Variants in SLCO3A1 observed in about 807,000 individuals in gnomAD.
The protein encoded by SLCO3A1 is PGE1 transporter.
In SLCO3A1, 27 loss-of-function variants were observed where a neutral mutation model predicts 63.1. The ratio of observed to expected loss-of-function variants is 0.43; its 90% CI spans 0.32 to 0.59. The LOEUF (loss-of-function observed/expected upper bound fraction) is 0.59. SLCO3A1 is among the 20% of genes least tolerant of loss of function. SLCO3A1 has a pLI of 0.09. For synonymous variants in SLCO3A1, 473 were observed against 409.9 expected (o/e 1.15, Z -1.86); for missense variants, 773 against 945.8 (o/e 0.82, Z 2.40).
At chr15:92,154,583 G>C (rs1163647003) in intron 9 of SLCO3A1, among the ~76,000 whole-genome samples, 1 of 152,212 alleles carries the variant, frequency 6.6e-6, no homozygotes, top group Non-Finnish European at 1.5e-5. Context: ...AGGGGAACAG[G>C]AAGACCCTCT....
intron 1 of SLCO3A1, among the ~76,000 whole-genome samples, chr15:91,892,047 A>C (rs1210969060): frequency 1.3e-5 from 2 of 152,242 alleles, no homozygotes; most frequent in Non-Finnish European, 2.9e-5. Flanking sequence ...ACAATGTTCC[A>C]GTATGACATT....
In SLCO3A1 at chr15:92,162,973, A is replaced by G. The variant is rs1234765927; in HGVS notation, c.1971A>G (p.Lys657=). 6.2e-7 allele frequency: 1 copy of G among 1,614,086 alleles called. No individual in the cohort carries two copies. The highest frequency in any genetic ancestry group is 8.5e-7 in the Non-Finnish European group (1 of 1,180,010). The change falls in exon 10 of 10, where the codon AAA becomes AAG. Residue 657 remains lysine (K), a synonymous_variant. Coordinates refer to ENST00000318445, the MANE Select transcript of SLCO3A1 (RefSeq NM_013272.4). The part of the protein sequence containing the change: ...CLRKNYKRYI[K]NHEGGLSTSE... ...GGAAAAACTATAAACGCTACATCAA[A>G]AACCACGAGGGCGGGCTGAGCACCA...
chr15:91,868,354 C>CTTT (rs72068160), intron 1 of SLCO3A1, among the ~76,000 whole-genome samples: 126 of 104,876 alleles, frequency 1.2e-3, no homozygotes, highest in African/African-American at 4.0e-3. Flanking sequence ...ACCCAGCCGG[C>CTTT]TTTTTTTTTT....
intron 2 of SLCO3A1, among the ~76,000 whole-genome samples, chr15:91,958,687 G>T (rs1900327619): frequency 6.6e-6 from 1 of 152,128 alleles, no homozygotes; most frequent in South Asian, 2.1e-4. Flanking sequence ...TATAAAATTT[G>T]CCCCAGTGAA....
Position 91,941,398 on chromosome 15 carries a change from C to T in SLCO3A1, c.646+24940C>T, listed in dbSNP as rs2151400249. The T allele has an allele frequency of 2.6e-6, 1 of 388,714 alleles. No individual in the cohort carries two copies. Among genetic ancestry groups the T allele is most frequent in the South Asian group, 1.9e-5 (1 of 51,826 alleles). 24.1% of individuals were successfully genotyped at this position (388,714 alleles called of 1,614,324 possible). A position where few individuals can be genotyped will look rare whatever the true frequency, so the allele number is the denominator to read the frequency against. On this transcript the variant is annotated intron_variant, in intron 2 of 9. Transcript: ENST00000318445. This position sits in a 1 kb window ranked among gnomAD's most constrained non-coding sequence, Gnocchi z 4.4. ...GGAGGCTGTGGGGTCTGCCACCCAGCAGATCTGTGTCACGGGAGTGGCGCT... is the reference window on the plus strand; with the variant it reads ...GGAGGCTGTGGGGTCTGCCACCCAGTAGATCTGTGTCACGGGAGTGGCGCT...
intron 2 of SLCO3A1, among the ~76,000 whole-genome samples, chr15:92,046,287 G>C (rs2046862141): frequency 6.6e-6 from 1 of 152,018 alleles, no homozygotes; most frequent in African/African-American, 2.4e-5. Flanking sequence ...GGCCGAGACG[G>C]ATGGGTCACT....
chr15:92,009,362 T>C (rs936185213), intron 2 of SLCO3A1, among the ~76,000 whole-genome samples: 5 of 152,170 alleles, frequency 3.3e-5, no homozygotes, highest in Non-Finnish European at 7.3e-5. Flanking sequence ...TCTCTGTCAT[T>C]CTGTCACTCA....
chr15:92,142,907 G>A (rs1275243523), intron 7 of SLCO3A1, among the ~76,000 whole-genome samples: 2 of 152,018 alleles, frequency 1.3e-5, no homozygotes, highest in Non-Finnish European at 2.9e-5. Context: ...CTAGGTATGG[G>A]CAAAAATAAG....
At chr15:91,936,805 C>A (rs1211490040) in intron 2 of SLCO3A1, among the ~76,000 whole-genome samples, 1 of 152,156 alleles carries the variant, frequency 6.6e-6, no homozygotes, top group Non-Finnish European at 1.5e-5. Context: ...GTGAAGGAGG[C>A]TGTATTTCCT....
rs746517598 is a variant in SLCO3A1, at chr15:91,963,413, G to C, written c.646+46955G>C. ...AGGGTTTAACTCGGGGAGGGTGGGG[G>C]GGGGGGGCGGCAGCAGCCTGGGGCT... On this transcript the variant is annotated intron_variant, in intron 2 of 9. Transcript: ENST00000318445. Among the ~76,000 whole-genome samples the C allele has an allele frequency of 8.6e-5, 9 of 104,482 alleles. No homozygotes were observed. In the South Asian group the frequency reaches 2.3e-3, roughly 27 times the overall value. 68.5% of individuals were successfully genotyped at this position (104,482 alleles called of 152,430 possible).
intron 1 of SLCO3A1, among the ~76,000 whole-genome samples, chr15:91,907,249 C>T (rs1316867661): frequency 6.6e-6 from 1 of 151,952 alleles, no homozygotes. Context: ...CTCTGTTGCC[C>T]AGGCTGGAGT....
downstream of SLCO3A1, among the ~76,000 whole-genome samples, chr15:92,168,633 T>A (rs374877027): frequency 6.6e-6 from 1 of 152,182 alleles, no homozygotes; most frequent in African/African-American, 2.4e-5. Flanking sequence ...TCCCAGCACC[T>A]AAGACTGCTG....
chr15:91,971,401 A>AAAAAAAAAAAAAAAAAAAAAAAAAAAAC (rs1410316865), intron 2 of SLCO3A1, among the ~76,000 whole-genome samples: 1 of 145,052 alleles, frequency 6.9e-6, no homozygotes, highest in Non-Finnish European at 1.5e-5. Context: ...TCTCAAAAAA[A>AAAAAAAAAAAAAAAAAAAAAAAAAAAAC]AAAAAAAAAG....
chr15:92,144,098 G>A (rs1040812848), intron 7 of SLCO3A1, among the ~76,000 whole-genome samples: 1 of 152,274 alleles, frequency 6.6e-6, no homozygotes, highest in Non-Finnish European at 1.5e-5. Context: ...GCCTGACCGT[G>A]TGACCTTCTG....
chr15:91,972,498 A>G (rs538933836), intron 2 of SLCO3A1, among the ~76,000 whole-genome samples: 1 of 152,260 alleles, frequency 6.6e-6, no homozygotes, highest in Non-Finnish European at 1.5e-5. Flanking sequence ...ACAGACACCA[A>G]ATCTTCTGGT....
intron 2 of SLCO3A1, among the ~76,000 whole-genome samples, chr15:92,054,273 C>G (rs59180862): frequency 0.024 from 3,595 of 152,208 alleles, 130 homozygotes; most frequent in African/African-American, 0.082. Context: ...GCTTTTGTGC[C>G]TGTCTTGTGG....
rs1899069429 is a variant in SLCO3A1 at position 91,927,449 on chromosome 15, G to C, written c.646+10991G>C. On this transcript the variant is annotated intron_variant, in intron 2 of 9. Coordinates refer to ENST00000318445, the MANE Select transcript of SLCO3A1 (RefSeq NM_013272.4). ...ATTAAAAACAAAGGCAGAAAGTTGTGAGGGACTAAACAATTCTGGGGACAT... is the reference window on the plus strand; with the variant it reads ...ATTAAAAACAAAGGCAGAAAGTTGTCAGGGACTAAACAATTCTGGGGACAT... Among the ~76,000 whole-genome samples, 5 of 152,178 alleles carry C rather than the reference G, an allele frequency of 3.3e-5. No individual in the cohort carries two copies. In the South Asian group the frequency reaches 1.0e-3, roughly 32 times the overall value.
intron 1 of SLCO3A1, among the ~76,000 whole-genome samples, chr15:91,909,528 G>A (rs1898416894): frequency 1.3e-5 from 2 of 152,190 alleles, no homozygotes; most frequent in Non-Finnish European, 2.9e-5. Context: ...CTCCTGCACT[G>A]TTTTTAGCAT....
intron 2 of SLCO3A1, among the ~76,000 whole-genome samples, chr15:91,918,601 G>A (rs971914791): frequency 1.3e-5 from 2 of 152,186 alleles, no homozygotes; most frequent in African/African-American, 2.4e-5. Flanking sequence ...TATAATTTAA[G>A]ATCATAGCAT....
Sources: allele counts gnomAD v4.1 joint callset (sites outside exome capture counted in the v4.1 genomes callset), GRCh38; gene constraint gnomAD v4.1.1; non-coding constraint Gnocchi (gnomAD v3.1); transcripts MANE v1.5; gene names NCBI Gene and HGNC (gene_info 2026-07-23, HGNC 2026-07-21).